The following FAM13B variants were observed in gnomAD, a reference collection of about 807,000 sequenced individuals.
FAM13B encodes protein FAM13B.
Under a neutral mutation model 117.3 loss-of-function variants are expected in FAM13B, and 60 were observed. That is an observed-to-expected ratio of 0.51 (90% CI 0.42 to 0.63). FAM13B has a LOEUF of 0.63. Among genes scored for constraint, FAM13B ranks in the 30% least tolerant of loss-of-function variants. The pLI is 0.00. For missense variants in FAM13B, 972 were observed against 1,091.9 expected, an observed-to-expected ratio of 0.89 and a Z score of 1.55; for synonymous variants, 332 against 356.1, an observed-to-expected ratio of 0.93 and a Z score of 0.76.
intron 5 of FAM13B, 114 bp downstream of exon 5, chr5:138,011,654 G>C: frequency 3.0e-6 from 2 of 658,712 alleles, no homozygotes; most frequent in South Asian, 3.9e-5. Context: ...TCCTGACCTT[G>C]TGATCCGCCC....
chr5:137,944,117 T>C (rs1021298160), intron 20 of FAM13B, among the ~76,000 whole-genome samples: 3 of 152,230 alleles, frequency 2.0e-5, no homozygotes, highest in Non-Finnish European at 2.9e-5. Flanking sequence ...TGGGATCATA[T>C]AATATGTGCC....
At chr5:137,993,782 G>T (rs901985959) in intron 7 of FAM13B, among the ~76,000 whole-genome samples, 1 of 151,858 alleles carries the variant, frequency 6.6e-6, no homozygotes, top group Non-Finnish European at 1.5e-5. Flanking sequence ...GCAAGACTCC[G>T]CCTCAAAATA....
At chr5:137,993,191 G>A (rs1399948808) in intron 7 of FAM13B, among the ~76,000 whole-genome samples, 1 of 152,182 alleles carries the variant, frequency 6.6e-6, no homozygotes, top group African/African-American at 2.4e-5. Flanking sequence ...ACCTTAGTAG[G>A]GAGGGAGGGG....
intron 7 of FAM13B, among the ~76,000 whole-genome samples, chr5:137,991,595 C>A (rs1778614052): frequency 6.6e-6 from 1 of 151,908 alleles, no homozygotes; most frequent in African/African-American, 2.4e-5. Flanking sequence ...GGCACCCACA[C>A]AAAAAAATAG....
intron 13 of FAM13B, 98 bp from the exon 14 acceptor site, chr5:137,956,640 C>G (rs1386104368): frequency 2.8e-6 from 2 of 719,144 alleles, no homozygotes; most frequent in African/African-American, 3.7e-5. Context: ...ATACCAAAAA[C>G]ATTTCCCTAA....
chr5:137,966,488 TAGAGAGAGAGAGAGAG>T lies in FAM13B; in HGVS notation c.1180-4035_1180-4020del, dbSNP rs57142324. On this transcript the variant is annotated intron_variant, in intron 10 of 23. Transcript: ENST00000689681. ...ATATATATATATATATATATATATATAGAGAGAGAGAGAGAGAGAGAGAGAGAGAGAGAGAGGGAAA... is the reference window on the plus strand; with the variant it reads ...ATATATATATATATATATATATATATAGAGAGAGAGAGAGAGAGAGGGAAA... Among the ~76,000 whole-genome samples the T allele has an allele frequency of 1.4e-4, 4 of 29,484 alleles. No homozygotes were observed. In the East Asian group the frequency reaches 4.5e-3, roughly 33 times the overall value. The allele number at this position is 29,484 out of a possible 152,430, so 19.3% of individuals were successfully genotyped here.
chr5:138,048,415 G>A (rs561242230), intron 1 of FAM13B, among the ~76,000 whole-genome samples: 18 of 152,164 alleles, frequency 1.2e-4, no homozygotes, highest in African/African-American at 4.1e-4. Context: ...GTGTGACCCC[G>A]CACCCCTAGG....
chr5:138,048,705 C>G (rs1028896739), intron 1 of FAM13B, among the ~76,000 whole-genome samples: 1 of 152,164 alleles, frequency 6.6e-6, no homozygotes, highest in Non-Finnish European at 1.5e-5. Context: ...TTCTAATTCT[C>G]AAGCCAAGTA....
In FAM13B at chr5:137,962,460, T is replaced by C. The variant is rs754279923; in HGVS notation, c.1189A>G (p.Ile397Val). The C allele has an allele frequency of 5.0e-6, 8 of 1,613,524 alleles. No individual in the cohort carries two copies. The highest frequency in any genetic ancestry group is 1.1e-5 in the South Asian group (1 of 90,972). Residue 397 changes from isoleucine (I) to valine (V), a missense_variant, in exon 11 of 24, where the codon ATA becomes GTA. Coordinates refer to ENST00000689681, the MANE Select transcript of FAM13B (RefSeq NM_001385994.1). ...ENEENTQSVG[I>V]LLEPCSDRGD... ...CGGTCACTGCATGGCTCTAACAATA[T>C]ACCTACAGACTGACAAAAAGAACAC...
intron 19 of FAM13B, 38 bp downstream of exon 19, chr5:137,946,190 G>A (rs1248760883): frequency 6.6e-7 from 1 of 1,514,786 alleles, no homozygotes; most frequent in African/African-American, 1.4e-5. Flanking sequence ...TCTTTTTTAA[G>A]ACATAAAATC....
At chr5:137,967,112 G>GA (rs879492488) in intron 10 of FAM13B, among the ~76,000 whole-genome samples, 48 of 140,960 alleles carry the variant, frequency 3.4e-4, no homozygotes, top group East Asian at 8.1e-4. Context: ...TTAAAAAAGG[G>GA]AAAAAAAAAA....
chr5:138,018,569 T>A, intron 3 of FAM13B, 55 bp from the exon 4 acceptor site: 1 of 1,458,568 alleles, frequency 6.9e-7, no homozygotes, highest in African/African-American at 1.4e-5. Context: ...TGCTTGACCA[T>A]ATATATTCAT....
At chr5:137,974,844 T>C (rs1469733346) in intron 10 of FAM13B, among the ~76,000 whole-genome samples, 7 of 152,034 alleles carry the variant, frequency 4.6e-5, no homozygotes, top group Admixed American at 4.6e-4. Flanking sequence ...TTTTGCATGG[T>C]CACTTGGCTA....
chr5:137,988,044 A>G (rs1777669127), intron 8 of FAM13B, among the ~76,000 whole-genome samples: 1 of 152,212 alleles, frequency 6.6e-6, no homozygotes, highest in African/African-American at 2.4e-5. Flanking sequence ...ACATTTTTCA[A>G]TTATTTCAGA....
At chr5:138,024,351 T>G (rs546443034) in intron 1 of FAM13B, among the ~76,000 whole-genome samples, 94 of 151,894 alleles carry the variant, frequency 6.2e-4, no homozygotes, top group Admixed American at 1.8e-3. Context: ...AGGGAGAAAC[T>G]GGAGTTATGC....
intron 6 of FAM13B, among the ~76,000 whole-genome samples, chr5:138,010,641 G>A (rs1014258818): frequency 2.6e-4 from 39 of 151,880 alleles, no homozygotes; most frequent in Non-Finnish European, 5.3e-4. Context: ...AATGTGTACC[G>A]AATCTTTCCC....
intron 1 of FAM13B, among the ~76,000 whole-genome samples, chr5:138,046,015 T>C (rs1791631812): frequency 2.0e-5 from 3 of 152,192 alleles, no homozygotes; most frequent in Middle Eastern, 3.4e-3. Flanking sequence ...TCATCTTGAA[T>C]TCTCACATGT....
chr5:137,952,970 T>C (rs1325852864), intron 16 of FAM13B, among the ~76,000 whole-genome samples: 2 of 152,144 alleles, frequency 1.3e-5, no homozygotes, highest in East Asian at 1.9e-4. Flanking sequence ...CTATTAAAAT[T>C]CTCTTTCCCC....
intron 10 of FAM13B, among the ~76,000 whole-genome samples, chr5:137,981,227 T>G (rs1211386261): frequency 2.0e-5 from 3 of 151,786 alleles, no homozygotes; most frequent in African/African-American, 7.3e-5. Context: ...CATGAGCCAC[T>G]GTGAGTAGCC....
Sources: gnomAD v4.1 joint callset for allele counts (sites outside exome capture counted in the v4.1 genomes callset) on GRCh38, gnomAD v4.1.1 for gene constraint, MANE v1.5 for transcripts, NCBI Gene and HGNC (gene_info 2026-07-23, HGNC 2026-07-21) for gene names.